The following ZSCAN25 variants were observed in gnomAD, a reference collection of about 807,000 sequenced individuals.
ZSCAN25 encodes the protein zinc finger and SCAN domain-containing protein 25.
A neutral mutation model predicts 38.7 loss-of-function variants in ZSCAN25; 27 were observed. The observed-to-expected ratio is 0.70, with a 90% CI of 0.51 to 0.96. ZSCAN25 has a LOEUF of 0.96. ZSCAN25 is among the 40% of genes least tolerant of loss of function. ZSCAN25 has a pLI of 0.00. For missense variants in ZSCAN25, 637 were observed against 705.9 expected, an observed-to-expected ratio of 0.90 and a Z score of 1.11; for synonymous variants, 273 against 277.7, an observed-to-expected ratio of 0.98 and a Z score of 0.17.
At chr7:99,680,284 CACACCT>C in the ZSCAN25 span, among the ~76,000 whole-genome samples, 1 of 152,112 alleles carries the variant, frequency 6.6e-6, no homozygotes, top group Non-Finnish European at 1.5e-5. Flanking sequence ...CCTCACAAGC[CACACCT>C]ACACATCTTT....
chr7:99,719,495 A>G, the ZSCAN25 span, among the ~76,000 whole-genome samples: 881 of 152,344 alleles, frequency 5.8e-3, 7 homozygotes, highest in African/African-American at 0.018. Flanking sequence ...GTAGAGTTAC[A>G]TTTAGTAAAG....
downstream of ZSCAN25, among the ~76,000 whole-genome samples, chr7:99,634,722 G>A (rs570750804): frequency 2.4e-4 from 36 of 152,292 alleles, no homozygotes; most frequent in South Asian, 2.1e-4. Context: ...GTGTGAACCC[G>A]GGAGGCGGAG....
At chr7:99,636,462 A>T (rs773797376), downstream of ZSCAN25, among the ~76,000 whole-genome samples, 21 of 152,184 alleles carry the variant, frequency 1.4e-4, no homozygotes, top group Admixed American at 5.2e-4. Flanking sequence ...TTATAGTCTT[A>T]CACTTCTCAT....
chr7:99,694,548 T>G, the ZSCAN25 span, among the ~76,000 whole-genome samples: 9 of 151,634 alleles, frequency 5.9e-5, no homozygotes, highest in African/African-American at 2.0e-4. Context: ...GGTTGATGTT[T>G]TACCTGTGCA....
At chr7:99,624,306 C>A in intron 7 of ZSCAN25, 126 bp downstream of exon 7, 3 of 1,179,130 alleles carry the variant, frequency 2.5e-6, no homozygotes, top group Non-Finnish European at 2.4e-6. Context: ...TAAATGGGTC[C>A]AGCACGGACC....
the ZSCAN25 span, among the ~76,000 whole-genome samples, chr7:99,730,347 A>G: frequency 1.3e-5 from 2 of 152,226 alleles, no homozygotes; most frequent in African/African-American, 4.8e-5. Context: ...AGGTTAATAG[A>G]CAACCACTAT....
At chr7:99,647,092 A>T in the ZSCAN25 span, among the ~76,000 whole-genome samples, 4 of 152,252 alleles carry the variant, frequency 2.6e-5, no homozygotes, top group South Asian at 8.3e-4. Context: ...AATCCCTTCT[A>T]TGTAGCCAAC....
chr7:99,664,277 A>G, the ZSCAN25 span, among the ~76,000 whole-genome samples: 1 of 152,228 alleles, frequency 6.6e-6, no homozygotes, highest in East Asian at 1.9e-4. Context: ...AGGTCTATAC[A>G]TAGGAAACAC....
At chr7:99,699,710 A>G in the ZSCAN25 span, among the ~76,000 whole-genome samples, 1 of 152,204 alleles carries the variant, frequency 6.6e-6, no homozygotes, top group African/African-American at 2.4e-5. Flanking sequence ...AAGCTAATCA[A>G]ATCATTCCCA....
the ZSCAN25 span, chr7:99,666,834 T>C: frequency 6.3e-7 from 1 of 1,576,542 alleles, no homozygotes. Context: ...TAAAAGACCA[T>C]TTTTAGGAAG....
chr7:99,671,965 C>T, the ZSCAN25 span: 1 of 658,112 alleles, frequency 1.5e-6, no homozygotes, highest in African/African-American at 1.8e-5. Context: ...ATCTGAAAAG[C>T]TCTGTAAACT....
chr7:99,644,229 C>G, the ZSCAN25 span, among the ~76,000 whole-genome samples: 1 of 152,094 alleles, frequency 6.6e-6, no homozygotes, highest in Non-Finnish European at 1.5e-5. Context: ...TTTGGATAAA[C>G]AGGATCTTTT....
At chr7:99,652,759 G>A in the ZSCAN25 span, 22 of 1,613,136 alleles carry the variant, frequency 1.4e-5, no homozygotes, top group Middle Eastern at 3.3e-4. Context: ...TCTGTACCAC[G>A]GCATCATAGG....
At chr7:99,666,093 C>T in the ZSCAN25 span, among the ~76,000 whole-genome samples, 4 of 152,158 alleles carry the variant, frequency 2.6e-5, no homozygotes, top group African/African-American at 4.8e-5. Context: ...CATAGCATTT[C>T]TAGCACCCTT....
chr7:99,632,890 A>G (rs1410156753), downstream of ZSCAN25, among the ~76,000 whole-genome samples: 1 of 152,120 alleles, frequency 6.6e-6, no homozygotes, highest in East Asian at 1.9e-4. Context: ...CTTAAGGCTT[A>G]TAATCTGTAG....
At chr7:99,708,633 A>T in the ZSCAN25 span, among the ~76,000 whole-genome samples, 24 of 152,324 alleles carry the variant, frequency 1.6e-4, no homozygotes, top group South Asian at 5.0e-3. Flanking sequence ...CTGTTGCACT[A>T]ACCTATAAAT....
chr7:99,698,792 T>C, the ZSCAN25 span, among the ~76,000 whole-genome samples: 7 of 152,102 alleles, frequency 4.6e-5, no homozygotes, highest in Non-Finnish European at 7.4e-5. Context: ...ATATTCCATC[T>C]CCAAAAAATT....
chr7:99,719,858 C>T, the ZSCAN25 span, among the ~76,000 whole-genome samples: 3 of 152,006 alleles, frequency 2.0e-5, no homozygotes, highest in Non-Finnish European at 2.9e-5. Context: ...ATTAGTAGGG[C>T]GTGGTGGTGC....
the ZSCAN25 span, among the ~76,000 whole-genome samples, chr7:99,694,271 G>A: frequency 1.8e-4 from 28 of 152,238 alleles, no homozygotes; most frequent in East Asian, 4.6e-3. Flanking sequence ...TCATCAGCTC[G>A]CTCTAGAATT....
Sources: gnomAD v4.1 joint callset for allele counts (sites outside exome capture counted in the v4.1 genomes callset) on GRCh38, gnomAD v4.1.1 for gene constraint, MANE v1.5 for transcripts, NCBI Gene and HGNC (gene_info 2026-07-23, HGNC 2026-07-21) for gene names.